Variants in RGS5 observed in about 807,000 individuals in gnomAD.
RGS5 encodes regulator of G-protein signalling 5.
RGS5 carries 20 observed loss-of-function variants against 18.9 expected under a neutral mutation model. That is an observed-to-expected ratio of 1.06 (90% CI 0.74 to 1.54). The LOEUF (loss-of-function observed/expected upper bound fraction) is 1.54. RGS5 is among the 40% of genes most tolerant of loss of function. The pLI, the probability that RGS5 is intolerant of heterozygous loss-of-function variation, is 0.00. For missense variants in RGS5, 201 were observed against 211.8 expected (o/e 0.95, Z 0.32); for synonymous variants, 57 against 76.2 (o/e 0.75, Z 1.31).
chr1:163,241,176 T>C (rs1415799684), intron 2 of RGS5, among the ~76,000 whole-genome samples: 1 of 152,246 alleles, frequency 6.6e-6, no homozygotes, highest in Non-Finnish European at 1.5e-5. Flanking sequence ...ACTGATATTG[T>C]ATTATGTGTT....
At chr1:163,157,914 G>A (rs1256067742) in intron 3 of RGS5, among the ~76,000 whole-genome samples, 3 of 152,062 alleles carry the variant, frequency 2.0e-5, no homozygotes. Context: ...CTGGCCTCAA[G>A]CGATCCTCCT....
At chr1:163,303,573 A>G (rs1649619860) in intron 2 of RGS5, among the ~76,000 whole-genome samples, 1 of 152,224 alleles carries the variant, frequency 6.6e-6, no homozygotes, top group Non-Finnish European at 1.5e-5. Context: ...GCTTCTGTAT[A>G]CTTAAACTGT....
chr1:163,290,037 G>A (rs1649240214), intron 2 of RGS5, among the ~76,000 whole-genome samples: 1 of 151,382 alleles, frequency 6.6e-6, no homozygotes, highest in South Asian at 2.1e-4. Flanking sequence ...TAAAAAAGCA[G>A]GCAACATGAG....
At position 163,144,198 on chromosome 1, in the gene RGS5, T is replaced by G. The variant is rs974214335; in HGVS notation, c.*3144A>C. On this transcript the variant is annotated 3_prime_UTR_variant, in exon 5 of 5. Transcript: ENST00000313961. ...TTCTGCATTTTAAAAGGTGTCTACCTGAAAGAAACAAAAAGTGTGTGTGTG... is the reference window on the plus strand; with the variant it reads ...TTCTGCATTTTAAAAGGTGTCTACCGGAAAGAAACAAAAAGTGTGTGTGTG... 2 of 152,108 alleles carry G rather than the reference T, an allele frequency of 1.3e-5. No homozygotes were observed. Among genetic ancestry groups the G allele is most frequent in the Admixed American group, 6.6e-5 (1 of 15,254 alleles). 9.4% of individuals were successfully genotyped at this position (152,108 alleles called of 1,614,324 possible). A position where few individuals can be genotyped will look rare whatever the true frequency, so the allele number is the denominator to read the frequency against.
Position 163,172,503 on chromosome 1 carries a change from T to A in RGS5, c.45-4135A>T, listed in dbSNP as rs1048531371. On this transcript the variant is annotated intron_variant, in intron 1 of 4. Coordinates refer to ENST00000313961, the MANE Select transcript of RGS5 (RefSeq NM_003617.4). ...AATGATCTAGAAATCAACTATCATT[T>A]ATAACATTGCCAAGAGAAAATCGTA... 174 of 1,535,342 alleles carry A rather than the reference T, an allele frequency of 1.1e-4. 1 individual carries two copies. The highest frequency in any genetic ancestry group is 1.5e-4 in the Non-Finnish European group (171 of 1,138,754).
intron 2 of RGS5, among the ~76,000 whole-genome samples, chr1:163,261,499 G>GA (rs1648433209): frequency 6.6e-6 from 1 of 151,876 alleles, no homozygotes; most frequent in South Asian, 2.1e-4. Flanking sequence ...TTACATCAGA[G>GA]AAAAAAAGGA....
intron 2 of RGS5, among the ~76,000 whole-genome samples, chr1:163,282,536 T>C (rs991807974): frequency 3.3e-5 from 5 of 151,992 alleles, no homozygotes; most frequent in African/African-American, 1.2e-4. Context: ...TGAGATCCTG[T>C]CTCTATGAAA....
At chr1:163,231,016 T>C (rs1272012678) in intron 2 of RGS5, among the ~76,000 whole-genome samples, 1 of 152,202 alleles carries the variant, frequency 6.6e-6, no homozygotes, top group Non-Finnish European at 1.5e-5. Context: ...TTGACATTTG[T>C]CTGACTGGCA....
chr1:163,161,636 G>A (rs1051201572), intron 3 of RGS5: 2 of 318,304 alleles, frequency 6.3e-6, no homozygotes, highest in Admixed American at 4.5e-5. Flanking sequence ...CAAGCCACTT[G>A]TTCTGGCTCA....
Position 163,143,389 on chromosome 1 carries a change from C to G in RGS5, c.*3953G>C, listed in dbSNP as rs1310118795. 1 of 152,126 alleles carries G rather than the reference C, an allele frequency of 6.6e-6. No homozygotes were observed. Among genetic ancestry groups the G allele is most frequent in the Non-Finnish European group, 1.5e-5 (1 of 68,000 alleles). The allele number at this position is 152,126 out of a possible 1,614,324, so 9.4% of individuals were successfully genotyped here. A position where few individuals can be genotyped will look rare whatever the true frequency, so the allele number is the denominator to read the frequency against. ...GATGTTGGAGATTACATTTTCTATT[C>G]TCTGCTTTCTGGCACATGCAAGCCA... On this transcript the variant is annotated 3_prime_UTR_variant, in exon 5 of 5. Coordinates refer to ENST00000313961, the MANE Select transcript of RGS5 (RefSeq NM_003617.4).
At chr1:163,202,761 A>C in intron 1 of RGS5, 31 bp downstream of exon 1, 1 of 1,606,194 alleles carries the variant, frequency 6.2e-7, no homozygotes, top group Non-Finnish European at 8.5e-7. Context: ...CCATATCTGC[A>C]TCTCTTAAAC....
In RGS5 at chr1:163,310,694, CATA is replaced by C. The variant is rs529233460; in HGVS notation, c.-377-4368_-377-4366del. Among the ~76,000 whole-genome samples the C allele has an allele frequency of 1.9e-4, 29 of 152,136 alleles. 1 individual carries two copies. The South Asian group carries it at 5.8e-3, about 30-fold the overall frequency. On this transcript the variant is annotated intron_variant, in intron 1 of 5. Coordinates refer to the RGS5 transcript ENST00000618415. The stretch of plus-strand genomic sequence containing the variant: ...TTCATCATCTTAGCAAGATTTTCTG[CATA>C]ATCTGTTGCAGCTTCTGCCTTAGCA...
At chr1:163,241,797 GAA>G (rs372403464) in intron 2 of RGS5, among the ~76,000 whole-genome samples, 2,108 of 152,242 alleles carry the variant, frequency 0.014, 56 homozygotes, top group African/African-American at 0.048. Flanking sequence ...ATTTAAAATA[GAA>G]AAAGACACAA....
intron 2 of RGS5, among the ~76,000 whole-genome samples, chr1:163,163,167 C>T (rs76762964): frequency 0.022 from 3,336 of 152,138 alleles, 115 homozygotes; most frequent in African/African-American, 0.077. Context: ...GAGTCCAAGA[C>T]GGCAGTAGGT....
intron 2 of RGS5, among the ~76,000 whole-genome samples, chr1:163,279,310 T>C (rs1648933516): frequency 6.6e-6 from 1 of 151,988 alleles, no homozygotes. Flanking sequence ...AATGAAATAA[T>C]ATCAAGTATC....
At chr1:163,254,611 G>C in intron 2 of RGS5, among the ~76,000 whole-genome samples, 1 of 152,198 alleles carries the variant, frequency 6.6e-6, no homozygotes, top group Non-Finnish European at 1.5e-5. Flanking sequence ...TGTTCACTCT[G>C]ATGGTAGTTT....
chr1:163,313,995 ATATATGTGTG>A (rs1557940097), intron 1 of RGS5, among the ~76,000 whole-genome samples: 2 of 5,596 alleles, frequency 3.6e-4, no homozygotes, highest in African/African-American at 2.1e-3. Flanking sequence ...TAAATAAGAT[ATATATGTGTG>A]TGTGTGTGTG....
intron 2 of RGS5, among the ~76,000 whole-genome samples, chr1:163,223,492 T>TGGTAGGTGTGTAGGGCAC (rs1647272353): frequency 6.6e-6 from 1 of 151,364 alleles, no homozygotes; most frequent in Non-Finnish European, 1.5e-5. Flanking sequence ...GTGTAGGGCT[T>TGGTAGGTGTGTAGGGCAC]GGTAGGTGTG....
At chr1:163,265,753 T>C (rs1002981793) in intron 2 of RGS5, among the ~76,000 whole-genome samples, 1 of 152,116 alleles carries the variant, frequency 6.6e-6, no homozygotes, top group African/African-American at 2.4e-5. Context: ...ATCCTCACTC[T>C]TTCTCTAAAA....
Sources: gnomAD v4.1 joint callset for allele counts (sites outside exome capture counted in the v4.1 genomes callset) on GRCh38, gnomAD v4.1.1 for gene constraint, MANE v1.5 for transcripts, NCBI Gene and HGNC (gene_info 2026-07-23, HGNC 2026-07-21) for gene names.